CAPS2: variants seen among roughly 807,000 people sequenced by gnomAD.
The protein encoded by CAPS2 is calcyphosine 2, also known as calcyphosin-2.
In CAPS2, 98 loss-of-function variants were observed where a neutral mutation model predicts 86.5. The observed-to-expected ratio is 1.13, with a 90% CI of 0.96 to 1.34. The LOEUF is 1.34. Ranked by LOEUF, CAPS2 falls within the 40% of genes most tolerant of loss-of-function variation. CAPS2 has a pLI of 0.00. For synonymous variants in CAPS2, 210 were observed against 225.1 expected, an observed-to-expected ratio of 0.93 and a Z score of 0.60; for missense variants, 729 against 686.8, an observed-to-expected ratio of 1.06 and a Z score of -0.69.
downstream of CAPS2, chr12:75,276,140 G>T: frequency 2.0e-6 from 3 of 1,472,906 alleles, no homozygotes; most frequent in Non-Finnish European, 2.7e-6. Context: ...GATTGTCTTT[G>T]CTCTTCTCTT....
At chr12:75,367,679 CTTA>C (rs1482415615) in intron 1 of CAPS2, among the ~76,000 whole-genome samples, 5 of 152,100 alleles carry the variant, frequency 3.3e-5, no homozygotes, top group Non-Finnish European at 7.4e-5. Flanking sequence ...ACCAAACTCT[CTTA>C]TTATTTCTGA....
At position 75,289,621 on chromosome 12, in the gene CAPS2, CT is replaced by C; in HGVS notation, c.1394del (p.Lys465ArgfsTer8). The C allele has an allele frequency of 1.2e-6, 2 of 1,607,766 alleles. No homozygotes were observed. The highest frequency in any genetic ancestry group is 8.5e-7 in the Non-Finnish European group (1 of 1,177,794). The stretch of plus-strand genomic sequence containing the variant: ...GCAGAGAATTTTCTGTAGCACATAC[CT>C]TTTCAGACACTTCTAAGTGAAACAC... On this transcript the variant is annotated frameshift_variant and splice_region_variant, in exon 14 of 17. Coordinates refer to ENST00000393284, the Ensembl canonical transcript of CAPS2. LOFTEE classifies it high-confidence loss of function.
At chr12:75,296,171 T>C (rs1565815650) in intron 11 of CAPS2, among the ~76,000 whole-genome samples, 1 of 151,082 alleles carries the variant, frequency 6.6e-6, no homozygotes, top group Admixed American at 6.6e-5. Context: ...ATAATTATTA[T>C]GTTAAGCAAT....
intron 1 of CAPS2, chr12:75,371,405 G>A (rs1202444102): frequency 7.3e-6 from 2 of 272,182 alleles, no homozygotes; most frequent in Non-Finnish European, 7.7e-6. Flanking sequence ...CCACATTGAG[G>A]TGGGTCTGCT....
intron 13 of CAPS2, among the ~76,000 whole-genome samples, 158 bp downstream of exon 13, chr12:75,291,566 AGTATATATATATATATATAT>A (rs1265685234): frequency 2.4e-5 from 1 of 41,832 alleles, no homozygotes; most frequent in Non-Finnish European, 4.1e-5. Context: ...TATTTTTAAA[AGTATATATATATATATATAT>A]ATATATATAT....
intron 5 of CAPS2, among the ~76,000 whole-genome samples, chr12:75,318,851 T>C (rs965316283): frequency 8.5e-5 from 13 of 152,144 alleles, no homozygotes; most frequent in African/African-American, 3.1e-4. Context: ...TTCACTGACT[T>C]ACCCCCAGTG....
At chr12:75,388,067 C>G (rs147485233) in intron 1 of CAPS2, among the ~76,000 whole-genome samples, 4 of 152,258 alleles carry the variant, frequency 2.6e-5, no homozygotes, top group Middle Eastern at 3.4e-3. Flanking sequence ...ATAATCCCCA[C>G]GTGTCATGGG....
intron 1 of CAPS2, among the ~76,000 whole-genome samples, chr12:75,341,179 G>C (rs2042080239): frequency 6.6e-6 from 1 of 152,068 alleles, no homozygotes; most frequent in African/African-American, 2.4e-5. Flanking sequence ...GGATACTCCC[G>C]ATTCAATGCT....
intron 1 of CAPS2, among the ~76,000 whole-genome samples, chr12:75,336,075 A>C (rs1453555488): frequency 6.6e-6 from 1 of 152,058 alleles, no homozygotes; most frequent in South Asian, 2.1e-4. Context: ...TGCATAAAAA[A>C]TGAAGTGAAG....
At chr12:75,329,886 A>G (rs1397715707), upstream of CAPS2, 25 of 1,543,396 alleles carry the variant, frequency 1.6e-5, no homozygotes, top group Non-Finnish European at 1.9e-5. Context: ...ATTCCTGGAC[A>G]GGACAGGCGA....
intron 11 of CAPS2, among the ~76,000 whole-genome samples, chr12:75,297,602 A>C (rs2037120597): frequency 6.6e-6 from 1 of 152,130 alleles, no homozygotes; most frequent in African/African-American, 2.4e-5. Flanking sequence ...AAATCTGATC[A>C]TGCCACCTTC....
At chr12:75,287,783 T>C (rs940131337) in intron 14 of CAPS2, among the ~76,000 whole-genome samples, 10 of 152,126 alleles carry the variant, frequency 6.6e-5, no homozygotes, top group African/African-American at 2.4e-4. Context: ...TCCAGCAAAT[T>C]AATTGAACCC....
Position 75,298,672 on chromosome 12 carries a change from A to G in CAPS2, c.1044+15T>C. The G allele has an allele frequency of 6.3e-7, 1 of 1,595,042 alleles. No homozygotes were observed. Among genetic ancestry groups the G allele is most frequent in the South Asian group, 1.1e-5 (1 of 90,676 alleles). ...CATCTGGTATTAAATGTGTGCACAC[A>G]CACACACCACTTACAACATAAAAAT... is the stretch of plus-strand genomic sequence containing the variant. On this transcript the variant is annotated intron_variant, in intron 11 of 16. Coordinates refer to ENST00000393284, the Ensembl canonical transcript of CAPS2.
At chr12:75,378,122 C>A (rs1186372074) in intron 1 of CAPS2, among the ~76,000 whole-genome samples, 1 of 152,024 alleles carries the variant, frequency 6.6e-6, no homozygotes, top group East Asian at 1.9e-4. Flanking sequence ...CTCAGCCTCC[C>A]GAGTAGCTGG....
chr12:75,364,682 C>G (rs901864353), intron 1 of CAPS2: 1 of 152,150 alleles, frequency 6.6e-6, no homozygotes, highest in Non-Finnish European at 1.5e-5. Flanking sequence ...GTTTTAGTTA[C>G]AGACTTATAG....
At chr12:75,287,378 C>A (rs1014454462) in intron 14 of CAPS2, among the ~76,000 whole-genome samples, 5 of 151,978 alleles carry the variant, frequency 3.3e-5, no homozygotes, top group African/African-American at 1.2e-4. Flanking sequence ...GCCATAAGAC[C>A]CCCATTTCAG....
chr12:75,357,957 A>G (rs2043260787), intron 1 of CAPS2, among the ~76,000 whole-genome samples: 1 of 151,560 alleles, frequency 6.6e-6, no homozygotes, highest in Non-Finnish European at 1.5e-5. Context: ...CAAAAAAGAC[A>G]AAAGTAAATC....
intron 8 of CAPS2, among the ~76,000 whole-genome samples, chr12:75,303,475 G>C (rs2038067908): frequency 6.6e-6 from 1 of 152,192 alleles, no homozygotes; most frequent in African/African-American, 2.4e-5. Context: ...GGCAGCATAA[G>C]GGGAGGTTCG....
chr12:75,317,660 G>GT (rs2039903194), intron 5 of CAPS2, among the ~76,000 whole-genome samples: 1 of 151,946 alleles, frequency 6.6e-6, no homozygotes, highest in African/African-American at 2.4e-5. Flanking sequence ...TAGATCCATT[G>GT]TTTTTTTATG....
Sources: allele counts gnomAD v4.1 joint callset (sites outside exome capture counted in the v4.1 genomes callset), GRCh38; gene constraint gnomAD v4.1.1; transcripts MANE v1.5; gene names NCBI Gene and HGNC (gene_info 2026-07-23, HGNC 2026-07-21).